Variants in ARMC8 observed in about 807,000 individuals in gnomAD.
ARMC8 encodes the protein armadillo repeat-containing protein 8.
In ARMC8, 20 loss-of-function variants were observed where a neutral mutation model predicts 99.3. The observed-to-expected ratio is 0.20, with a 90% confidence interval of 0.14 to 0.29. ARMC8 has a LOEUF of 0.29. Ranked by LOEUF, ARMC8 falls within the 10% of genes least tolerant of loss-of-function variation. ARMC8 has a pLI of 1.00. For synonymous variants in ARMC8, 263 were observed against 278.3 expected, an observed-to-expected ratio of 0.95 and a Z score of 0.55; for missense variants, 569 against 809.5, an observed-to-expected ratio of 0.70 and a Z score of 3.60.
In ARMC8 at chr3:138,296,540, A is replaced by AT. The variant is rs1270159668; in HGVS notation, c.*649dup. 6.6e-6 allele frequency: 1 copy of AT among 151,892 alleles called. No individual in the cohort carries two copies. The highest frequency in any genetic ancestry group is 1.9e-4 in the East Asian group (1 of 5,196). The allele number at this position is 151,892 out of a possible 1,614,324, so 9.4% of individuals were successfully genotyped here. A position where few individuals can be genotyped will look rare whatever the true frequency, so the allele number is the denominator to read the frequency against. On this transcript the variant is annotated 3_prime_UTR_variant, in exon 22 of 22. Transcript: ENST00000469044. ...CTCAACTTACATAGATTTTCTTTAT[A>AT]TAAAAAAAAAGAAAAAAAAAGAAAA...
intron 1 of ARMC8, among the ~76,000 whole-genome samples, chr3:138,195,263 C>T (rs993583388): frequency 1.0e-4 from 15 of 143,872 alleles, no homozygotes; most frequent in African/African-American, 3.4e-4. Flanking sequence ...CCGGCCTGGG[C>T]GACAGAGCGA....
chr3:138,288,635 CTTTTTTT>C (rs547726493), intron 19 of ARMC8, among the ~76,000 whole-genome samples: 1 of 109,678 alleles, frequency 9.1e-6, no homozygotes, highest in African/African-American at 3.1e-5. Flanking sequence ...CTTCTTCAGA[CTTTTTTT>C]TTTTTTTTTT....
Position 138,228,989 on chromosome 3 carries a change from G to T in ARMC8, c.507G>T (p.Gln169His). 6.2e-7 allele frequency: 1 copy of T among 1,609,432 alleles called. No homozygotes were observed. The highest frequency in any genetic ancestry group is 8.5e-7 in the Non-Finnish European group (1 of 1,177,386). The change falls in exon 6 of 22, where the codon CAG becomes CAT. Residue 169 changes from glutamine to histidine, a missense_variant. By Grantham distance (24) the Gln-to-His change is conservative. Coordinates refer to ENST00000469044, the MANE Select transcript of ARMC8 (RefSeq NM_001363941.2). ...RSRYTQEYIC[Q>H]IFSHCCKGPD... ...GCTATACCCAGGAGTACATCTGTCA[G>T]ATCTTCTCACACTGCTGTAAAGTAA...
chr3:138,270,167 A>ATAGCTGTATTCCTTTTGT, intron 16 of ARMC8, 35 bp downstream of exon 16: 2 of 1,382,098 alleles, frequency 1.4e-6, no homozygotes, highest in Non-Finnish European at 2.1e-6. Flanking sequence ...ATAACTTACA[A>ATAGCTGTATTCCTTTTGT]AAGGAATACA....
intron 18 of ARMC8, among the ~76,000 whole-genome samples, chr3:138,282,059 C>T (rs978160277): frequency 2.6e-4 from 40 of 152,176 alleles, no homozygotes; most frequent in Admixed American, 7.2e-4. Context: ...GCCCCCGCTC[C>T]TACTTCTCAG....
At chr3:138,188,515 T>C (rs1429252199) in intron 1 of ARMC8, 1 of 1,614,000 alleles carries the variant, frequency 6.2e-7, no homozygotes, top group Non-Finnish European at 8.5e-7. Context: ...ATTCGAGCTG[T>C]CCGACTCTGA....
At chr3:138,219,315 A>G (rs182366374) in intron 2 of ARMC8, among the ~76,000 whole-genome samples, 5 of 152,336 alleles carry the variant, frequency 3.3e-5, no homozygotes, top group African/African-American at 9.6e-5. Flanking sequence ...ATAATGATCT[A>G]CTGACAGTAA....
In ARMC8 at chr3:138,271,798, C is replaced by CTTTTTTTTTTTTTTTTTTTT. The variant is rs776320900; in HGVS notation, c.1480-1154_1480-1153insTTTTTTTTTTTTTTTTTTTT. ...AGTTCACAAGATTTTTTTTTTCTTT[C>CTTTTTTTTTTTTTTTTTTTT]TTTTTTTTTTTTTTTGATACAGAGT... On this transcript the variant is annotated intron_variant, in intron 16 of 21. Transcript: ENST00000469044. Among the ~76,000 whole-genome samples the CTTTTTTTTTTTTTTTTTTTT allele has an allele frequency of 4.3e-4, 58 of 136,126 alleles. 2 individuals are homozygous for CTTTTTTTTTTTTTTTTTTTT. The highest frequency in any genetic ancestry group is 1.6e-3 in the African/African-American group (57 of 35,282). The allele number at this position is 136,126 out of a possible 152,430, so 89.3% of individuals were successfully genotyped here.
intron 18 of ARMC8, among the ~76,000 whole-genome samples, chr3:138,283,162 G>C (rs1306401131): frequency 6.6e-6 from 1 of 152,170 alleles, no homozygotes; most frequent in Non-Finnish European, 1.5e-5. Flanking sequence ...TCACACCTCA[G>C]GACTTACTCC....
chr3:138,288,357 T>C (rs1276889133), intron 19 of ARMC8, among the ~76,000 whole-genome samples: 1 of 152,218 alleles, frequency 6.6e-6, no homozygotes, highest in Non-Finnish European at 1.5e-5. Context: ...CCTGGAAACA[T>C]AGCCTAAGTC....
chr3:138,202,351 G>A (rs1369267844), intron 1 of ARMC8, among the ~76,000 whole-genome samples: 1 of 152,176 alleles, frequency 6.6e-6, no homozygotes, highest in Non-Finnish European at 1.5e-5. Flanking sequence ...TACTAAACAA[G>A]TATATTTGGT....
At chr3:138,278,892 T>C (rs918090678) in intron 18 of ARMC8, among the ~76,000 whole-genome samples, 1 of 152,238 alleles carries the variant, frequency 6.6e-6, no homozygotes, top group African/African-American at 2.4e-5. Flanking sequence ...ATGTCAGTCT[T>C]GTATCCTGCA....
chr3:138,295,981 C>A lies in ARMC8; in HGVS notation c.*89C>A. The A allele has an allele frequency of 6.9e-7, 1 of 1,439,328 alleles. No homozygotes were observed. The highest frequency in any genetic ancestry group is 9.6e-7 in the Non-Finnish European group (1 of 1,042,236). The allele number at this position is 1,439,328 out of a possible 1,614,324, so 89.2% of individuals were successfully genotyped here. A position where few individuals can be genotyped will look rare whatever the true frequency, so the allele number is the denominator to read the frequency against. ...CCTCATTTGATTCCTTCTATTTGCA[C>A]AAGTCACCTTGGACTGCAGGGAGCT... On this transcript the variant is annotated 3_prime_UTR_variant, in exon 22 of 22. Transcript: ENST00000469044.
intron 7 of ARMC8, among the ~76,000 whole-genome samples, chr3:138,237,001 C>A (rs927011437): frequency 6.6e-6 from 1 of 152,126 alleles, no homozygotes; most frequent in African/African-American, 2.4e-5. Flanking sequence ...TTAATTGTTA[C>A]TAAGTTCTCT....
chr3:138,221,495 T>C (rs1248689214), intron 2 of ARMC8, among the ~76,000 whole-genome samples: 7 of 151,952 alleles, frequency 4.6e-5, no homozygotes, highest in Non-Finnish European at 8.8e-5. Context: ...AGAAATAATA[T>C]ATAAAGAAGT....
intron 1 of ARMC8, among the ~76,000 whole-genome samples, chr3:138,188,759 A>G (rs961802389): frequency 3.3e-5 from 5 of 152,204 alleles, no homozygotes; most frequent in African/African-American, 1.2e-4. Flanking sequence ...TTTGCTTATG[A>G]TTCAGGGTTA....
intron 1 of ARMC8, among the ~76,000 whole-genome samples, chr3:138,191,440 C>T (rs922481371): frequency 1.3e-5 from 2 of 152,178 alleles, no homozygotes; most frequent in South Asian, 2.1e-4. Flanking sequence ...CCTGTGTACA[C>T]TTCACCCAGT....
At chr3:138,256,394 T>TC (rs932669230) in intron 12 of ARMC8, among the ~76,000 whole-genome samples, 3 of 149,372 alleles carry the variant, frequency 2.0e-5, no homozygotes, top group Non-Finnish European at 4.4e-5. Context: ...TATCTTTTTT[T>TC]CCTCCTTCTT....
At chr3:138,288,871 C>T (rs903983803) in intron 19 of ARMC8, 177 bp from the exon 20 acceptor site, 8 of 544,144 alleles carry the variant, frequency 1.5e-5, no homozygotes, top group Non-Finnish European at 1.7e-5. Context: ...CACCTGACCT[C>T]GATCTTCCAC....
Sources: allele counts gnomAD v4.1 joint callset (sites outside exome capture counted in the v4.1 genomes callset), GRCh38; gene constraint gnomAD v4.1.1; transcripts MANE v1.5; gene names NCBI Gene and HGNC (gene_info 2026-07-23, HGNC 2026-07-21).